Variants in PHC2 observed in about 807,000 individuals in gnomAD.
PHC2 encodes polyhomeotic homolog 2, also known as polyhomeotic-like protein 2.
Under a neutral mutation model 87.4 loss-of-function variants are expected in PHC2, and 29 were observed. The observed-to-expected ratio is 0.33, with a 90% confidence interval of 0.25 to 0.45. The LOEUF (loss-of-function observed/expected upper bound fraction) is 0.45, where lower values mean the gene tolerates loss of function less well. PHC2 is among the 20% of genes least tolerant of loss of function. The pLI, the probability that PHC2 is intolerant of heterozygous loss-of-function variation, is 1.00. For missense variants in PHC2, 857 were observed against 1,136.7 expected (o/e 0.75, Z 3.54); for synonymous variants, 438 against 461.7 (o/e 0.95, Z 0.66).
chr1:33,372,197 G>A (rs1647889144), intron 3 of PHC2, 92 bp downstream of exon 3: 2 of 1,273,928 alleles, frequency 1.6e-6, no homozygotes, highest in Non-Finnish European at 2.1e-6. Context: ...AGAGAAGGAT[G>A]TGAAGCGCAG....
At chr1:33,426,326 G>A (rs1650669293) in intron 1 of PHC2, among the ~76,000 whole-genome samples, 1 of 150,950 alleles carries the variant, frequency 6.6e-6, no homozygotes, top group African/African-American at 2.4e-5. Flanking sequence ...CTGGGGGGGG[G>A]TCCATGGTTT....
At position 33,345,346 on chromosome 1, in the gene PHC2, C is replaced by T. The variant is rs78145138; in HGVS notation, c.1558+9055G>A. Reference sequence around the variant, plus strand: ...CTCTCTTCAACATCTGGATTCATCTCAGAGCACTGGCAATCTGTGTTTAAC... The same window carrying T: ...CTCTCTTCAACATCTGGATTCATCTTAGAGCACTGGCAATCTGTGTTTAAC... On this transcript the variant is annotated intron_variant, in intron 9 of 14. Coordinates refer to ENST00000683057, the MANE Select transcript of PHC2 (RefSeq NM_001385109.1). 461 of 161,480 alleles carry T rather than the reference C, an allele frequency of 2.9e-3. 2 individuals are homozygous for T. Among genetic ancestry groups the T allele is most frequent in the African/African-American group, 0.01 (431 of 41,728 alleles). 10.0% of individuals were successfully genotyped at this position (161,480 alleles called of 1,614,324 possible).
chr1:33,418,570 T>C (rs1259981606), intron 1 of PHC2, among the ~76,000 whole-genome samples: 3 of 152,226 alleles, frequency 2.0e-5, no homozygotes, highest in Non-Finnish European at 4.4e-5. Context: ...AATAGCCCTA[T>C]AGCTATTAAA....
Position 33,355,150 on chromosome 1 carries a change from C to G in PHC2, c.1080G>C (p.Gln360His), listed in dbSNP as rs1308168103. The change falls in exon 8 of 15, where the codon CAG becomes CAC. Residue 360 changes from glutamine (Q) to histidine (H), a missense_variant. Physicochemically the swap from Gln to His is conservative, Grantham distance 24. Around this residue, in one of 3 missense-constraint regions of PHC2, gnomAD observed 832 missense variants for 1,081.8 expected, o/e 0.77. Transcript: ENST00000683057. Reference protein sequence around the residue: ...IQQQPQPQQQQPPPQQSRPVL... With the variant: ...IQQQPQPQQQHPPPQQSRPVL... ...CAGGCCGTGACTGCTGGGGCGGCGG[C>G]TGCTGCTGTTGTGGCTGTGGCTGCT... is the stretch of plus-strand genomic sequence containing the variant. The G allele has an allele frequency of 6.2e-7, 1 of 1,608,546 alleles. No individual in the cohort carries two copies. Among genetic ancestry groups the G allele is most frequent in the Non-Finnish European group, 8.5e-7 (1 of 1,178,822 alleles).
chr1:33,412,710 T>G (rs1570513093), intron 1 of PHC2, among the ~76,000 whole-genome samples: 2 of 152,340 alleles, frequency 1.3e-5, no homozygotes, highest in South Asian at 4.1e-4. Context: ...GCAACTTATC[T>G]CTAATACTAG....
chr1:33,360,226 A>G (rs995617544), intron 7 of PHC2, among the ~76,000 whole-genome samples: 1 of 152,260 alleles, frequency 6.6e-6, no homozygotes, highest in African/African-American at 2.4e-5. Context: ...ACTCTATGAT[A>G]GTCTGATTAT....
At chr1:33,413,373 A>G (rs1164643997) in intron 1 of PHC2, among the ~76,000 whole-genome samples, 2 of 152,328 alleles carry the variant, frequency 1.3e-5, no homozygotes, top group African/African-American at 4.8e-5. Flanking sequence ...CTACTATCTA[A>G]CACTGAAGTA....
At position 33,334,214 on chromosome 1, in the gene PHC2, G is replaced by T. The variant is rs1381856996; in HGVS notation, c.1637C>A (p.Ser546Tyr). 1.2e-6 allele frequency: 2 copies of T among 1,612,916 alleles called. No individual in the cohort carries two copies. Among genetic ancestry groups the T allele is most frequent in the Non-Finnish European group, 1.7e-6 (2 of 1,179,700 alleles). The change falls in exon 10 of 15, where the codon TCC (serine) becomes TAC (tyrosine). Residue 546 changes from serine (S) to tyrosine (Y), a missense_variant. This residue lies in a region of PHC2 where 832 missense variants were observed against 1,081.8 expected (regional missense o/e 0.77). Coordinates refer to ENST00000683057, the MANE Select transcript of PHC2 (RefSeq NM_001385109.1). This position sits in a 1 kb window ranked among gnomAD's most constrained non-coding sequence, Gnocchi z 5.5. ...CTGGGGGGCAGTGCCGGCGATGCTGGAGGCAGAGTTTCCGTTCCCTGAGGT... is the reference window on the plus strand; with the variant it reads ...CTGGGGGGCAGTGCCGGCGATGCTGTAGGCAGAGTTTCCGTTCCCTGAGGT... ...GMTSGNGNSA[S>Y]SIAGTAPQNG...
Position 33,367,300 on chromosome 1 carries a change from G to C in PHC2, c.792C>G (p.Thr264=), listed in dbSNP as rs150681892. 3 of 1,613,946 alleles carry C rather than the reference G, an allele frequency of 1.9e-6. No individual in the cohort carries two copies. The highest frequency in any genetic ancestry group is 2.5e-6 in the Non-Finnish European group (3 of 1,179,864). Residue 264 remains threonine, a synonymous_variant, in exon 7 of 15, where the codon ACC becomes ACG. Transcript: ENST00000683057. ...PTPGGSQPLP[T]PAQSRNTAQA... is the part of the protein sequence containing the mutation. The stretch of plus-strand genomic sequence containing the variant: ...GAGCAGTATTTCTGCTCTGTGCTGG[G>C]GTAGGCAGAGGCTGGCTACCGCCCG...
At chr1:33,336,999 C>G (rs887927783) in intron 9 of PHC2, 2 of 152,218 alleles carry the variant, frequency 1.3e-5, no homozygotes, top group African/African-American at 4.8e-5. Flanking sequence ...TACACAATTA[C>G]ATTTTCTCTG....
chr1:33,368,630 G>T lies in PHC2; in HGVS notation c.577-8C>A. 1 of 1,548,826 alleles carries T rather than the reference G, an allele frequency of 6.5e-7. No individual in the cohort carries two copies. The highest frequency in any genetic ancestry group is 8.7e-7 in the Non-Finnish European group (1 of 1,144,476). ...CGTGGGCGTGAAGATGAGCTGAGGG[G>T]ACAAAGGAACAGTGCCGCCTAGGCT... On this transcript the variant is annotated splice_polypyrimidine_tract_variant and splice_region_variant and intron_variant, in intron 5 of 14. Coordinates refer to ENST00000683057, the MANE Select transcript of PHC2 (RefSeq NM_001385109.1). This position sits in a 1 kb window ranked among gnomAD's most constrained non-coding sequence, Gnocchi z 6.6.
intron 1 of PHC2, among the ~76,000 whole-genome samples, chr1:33,383,171 C>T (rs1220333721): frequency 6.6e-6 from 1 of 152,138 alleles, no homozygotes; most frequent in Non-Finnish European, 1.5e-5. Flanking sequence ...TGGGGGAGGC[C>T]TCCTTACACC....
chr1:33,410,669 T>C (rs1339355283), intron 1 of PHC2, among the ~76,000 whole-genome samples: 1 of 152,230 alleles, frequency 6.6e-6, no homozygotes, highest in African/African-American at 2.4e-5. Context: ...TCAAGGGCTA[T>C]GCAAATAAAA....
At chr1:33,358,429 T>C (rs1361854860) in intron 7 of PHC2, among the ~76,000 whole-genome samples, 3 of 152,196 alleles carry the variant, frequency 2.0e-5, no homozygotes, top group Non-Finnish European at 2.9e-5. Flanking sequence ...CCAAAGGTAT[T>C]TGGGGTATAT....
intron 13 of PHC2, among the ~76,000 whole-genome samples, chr1:33,329,542 G>A (rs1367666014): frequency 6.6e-6 from 1 of 152,170 alleles, no homozygotes; most frequent in Non-Finnish European, 1.5e-5. Flanking sequence ...ATCACACCAT[G>A]CTGTGGAGTT....
At chr1:33,336,608 A>G (rs1646642086) in intron 9 of PHC2, 1 of 152,204 alleles carries the variant, frequency 6.6e-6, no homozygotes, top group Non-Finnish European at 1.5e-5. Flanking sequence ...AGTCTTTCCA[A>G]TTGCAAAGGT....
chr1:33,416,123 G>A (rs546239420), intron 1 of PHC2, among the ~76,000 whole-genome samples: 1 of 152,216 alleles, frequency 6.6e-6, no homozygotes, highest in East Asian at 1.9e-4. Context: ...ATAGCTAAAA[G>A]TTTTCCAAAT....
In PHC2 at chr1:33,375,090, G is replaced by A. The variant is rs985933271; in HGVS notation, c.174+276C>T. Among the ~76,000 whole-genome samples, 5 of 152,214 alleles carry A rather than the reference G, an allele frequency of 3.3e-5. No individual in the cohort carries two copies. The East Asian group carries it at 9.6e-4, about 29-fold the overall frequency. ...ATGGTCATTTAGAGAGTGGGTCTGG[G>A]TTGTGGCTGAGCAGCTCTTGGTCAT... On this transcript the variant is annotated intron_variant, in intron 2 of 14. Transcript: ENST00000683057.
intron 7 of PHC2, among the ~76,000 whole-genome samples, chr1:33,356,249 T>TTATATATATATATATATATACGTA (rs1647068938): frequency 9.8e-6 from 1 of 101,534 alleles, no homozygotes; most frequent in Non-Finnish European, 2.2e-5. Flanking sequence ...GTGAAAATTC[T>TTATATATATATATATATATACGTA]TATATATATA....
Sources: gnomAD v4.1 joint callset for allele counts (sites outside exome capture counted in the v4.1 genomes callset) on GRCh38, gnomAD v4.1.1 for gene constraint, gnomAD v4.1.1 regional missense constraint, Gnocchi (gnomAD v3.1) non-coding constraint, MANE v1.5 for transcripts, NCBI Gene and HGNC (gene_info 2026-07-23, HGNC 2026-07-21) for gene names.